Variants in GPC6 observed in about 807,000 individuals in gnomAD.
GPC6 encodes glypican-6.
Under a neutral mutation model 55.2 loss-of-function variants are expected in GPC6, and 14 were observed. That is an observed-to-expected ratio of 0.25 (90% CI 0.17 to 0.40). The LOEUF is 0.40. Ranked by LOEUF, GPC6 falls within the 10% of genes least tolerant of loss-of-function variation. The probability of loss-of-function intolerance (pLI) is 1.00; values close to 1 mark genes in which losing one functional copy is unlikely to be tolerated. For missense variants in GPC6, 641 were observed against 708.5 expected, an observed-to-expected ratio of 0.90 and a Z score of 1.08; for synonymous variants, 278 against 259.6, an observed-to-expected ratio of 1.07 and a Z score of -0.68.
At chr13:93,386,737 C>T (rs1419212469) in intron 1 of GPC6, among the ~76,000 whole-genome samples, 2 of 152,116 alleles carry the variant, frequency 1.3e-5, no homozygotes, top group East Asian at 3.8e-4. Flanking sequence ...GGAATTTATT[C>T]TCTCACATTT....
chr13:94,001,816 G>A (rs757904690), intron 3 of GPC6, among the ~76,000 whole-genome samples: 3 of 152,054 alleles, frequency 2.0e-5, no homozygotes, highest in Non-Finnish European at 2.9e-5. Context: ...GGAAGATTTT[G>A]TTCAAGACTA....
intron 3 of GPC6, among the ~76,000 whole-genome samples, chr13:93,895,072 TTTCACCTCTAA>T (rs1875909861): frequency 6.7e-6 from 1 of 150,238 alleles, no homozygotes; most frequent in Non-Finnish European, 1.5e-5. Context: ...ATATATATAT[TTTCACCTCTAA>T]GTCCATATAT....
intron 4 of GPC6, among the ~76,000 whole-genome samples, chr13:94,190,484 A>G (rs1889355359): frequency 6.6e-6 from 1 of 152,140 alleles, no homozygotes; most frequent in Admixed American, 6.5e-5. Flanking sequence ...GTTGATGACA[A>G]AGAAAGACTA....
chr13:94,316,437 G>A (rs1876532209), intron 6 of GPC6, among the ~76,000 whole-genome samples: 1 of 152,228 alleles, frequency 6.6e-6, no homozygotes, highest in Non-Finnish European at 1.5e-5. Context: ...AACAGAATGG[G>A]CCGGGCGCGG....
chr13:93,365,338 T>C (rs1437899026), intron 1 of GPC6, among the ~76,000 whole-genome samples: 1 of 152,108 alleles, frequency 6.6e-6, no homozygotes, highest in Admixed American at 6.6e-5. Flanking sequence ...TCAACCTGAT[T>C]TGGTAGGTCC....
chr13:93,769,056 G>A (rs1159282352), intron 2 of GPC6, among the ~76,000 whole-genome samples: 1 of 151,690 alleles, frequency 6.6e-6, no homozygotes, highest in East Asian at 1.9e-4. Context: ...AGCAAAAAAA[G>A]AAGTTTCTAA....
chr13:94,390,889 A>T lies in GPC6; in HGVS notation c.1290-7577A>T, dbSNP rs563839177. Among the ~76,000 whole-genome samples, 378 of 152,190 alleles carry T rather than the reference A, an allele frequency of 2.5e-3. 2 individuals are homozygous for T. Among genetic ancestry groups the T allele is most frequent in the African/African-American group, 8.9e-3 (370 of 41,518 alleles). On this transcript the variant is annotated intron_variant, in intron 7 of 8. Coordinates refer to ENST00000377047, the MANE Select transcript of GPC6 (RefSeq NM_005708.5). ...GTGAACCTCTTGCAAATGGGAAAAAAAAAATAAATGTTAGGCAGAGCTGGC... is the reference window on the plus strand; with the variant it reads ...GTGAACCTCTTGCAAATGGGAAAAATAAAATAAATGTTAGGCAGAGCTGGC...
chr13:93,691,429 T>A (rs1476982302), intron 2 of GPC6, among the ~76,000 whole-genome samples: 4 of 151,754 alleles, frequency 2.6e-5, no homozygotes, highest in Non-Finnish European at 5.9e-5. Context: ...CTCCTCTGTA[T>A]TTATGAAAGG....
intron 2 of GPC6, among the ~76,000 whole-genome samples, chr13:93,735,464 T>C (rs1317183406): frequency 8.1e-5 from 12 of 147,562 alleles, no homozygotes; most frequent in African/African-American, 1.8e-4. Context: ...ACCTAGTAGG[T>C]GGGGTTGCAG....
intron 2 of GPC6, among the ~76,000 whole-genome samples, chr13:93,761,012 G>A (rs1036033123): frequency 6.6e-6 from 1 of 152,204 alleles, no homozygotes; most frequent in African/African-American, 2.4e-5. Flanking sequence ...CATGGGATCA[G>A]TCTTCAATAT....
chr13:94,006,603 T>C (rs1882030196), intron 3 of GPC6, among the ~76,000 whole-genome samples: 1 of 152,140 alleles, frequency 6.6e-6, no homozygotes, highest in South Asian at 2.1e-4. Context: ...AATCAGAAAG[T>C]CAACATGGCA....
At chr13:93,300,105 C>T (rs922941070) in intron 1 of GPC6, among the ~76,000 whole-genome samples, 4 of 152,084 alleles carry the variant, frequency 2.6e-5, no homozygotes, top group African/African-American at 4.8e-5. Context: ...CCAAGGTCAC[C>T]GTTTACATAA....
chr13:94,082,768 C>T (rs373600880), intron 4 of GPC6, among the ~76,000 whole-genome samples: 7 of 152,256 alleles, frequency 4.6e-5, no homozygotes, highest in South Asian at 2.1e-4. Context: ...ATGTATCCTC[C>T]GTGAAACTTC....
intron 3 of GPC6, among the ~76,000 whole-genome samples, chr13:94,013,969 G>A (rs551724358): frequency 2.7e-4 from 41 of 152,260 alleles, no homozygotes; most frequent in African/African-American, 9.1e-4. Context: ...GAGGTTCCTA[G>A]TTAATAAGTA....
At chr13:94,005,620 C>T (rs1881986625) in intron 3 of GPC6, among the ~76,000 whole-genome samples, 1 of 152,152 alleles carries the variant, frequency 6.6e-6, no homozygotes. Context: ...ATCAACAAGC[C>T]AATTTAGTTC....
intron 1 of GPC6, among the ~76,000 whole-genome samples, chr13:93,472,255 G>A (rs9561357): frequency 0.04 from 6,080 of 152,260 alleles, 424 homozygotes; most frequent in East Asian, 0.28. Flanking sequence ...ACCTGTGGCT[G>A]CTGGTGCCTT....
At chr13:94,168,490 C>G (rs1009308418) in intron 4 of GPC6, among the ~76,000 whole-genome samples, 1 of 152,074 alleles carries the variant, frequency 6.6e-6, no homozygotes, top group Non-Finnish European at 1.5e-5. Flanking sequence ...CCAAGTAGTG[C>G]TAAGTTCCCA....
At chr13:93,296,577 T>C (rs1267811327) in intron 1 of GPC6, among the ~76,000 whole-genome samples, 3 of 152,022 alleles carry the variant, frequency 2.0e-5, no homozygotes, top group African/African-American at 7.2e-5. Context: ...TCCGTACCTC[T>C]CTCAAGGGAC....
chr13:93,226,452 T>A (rs1875785814), upstream of GPC6, among the ~76,000 whole-genome samples: 1 of 152,216 alleles, frequency 6.6e-6, no homozygotes, highest in South Asian at 2.1e-4. Flanking sequence ...GAGCCGTGAT[T>A]GTGCTCTGCC....
Sources: gnomAD v4.1 joint callset for allele counts (sites outside exome capture counted in the v4.1 genomes callset) on GRCh38, gnomAD v4.1.1 for gene constraint, MANE v1.5 for transcripts, NCBI Gene and HGNC (gene_info 2026-07-23, HGNC 2026-07-21) for gene names.